The following OSBP2 variants were observed in gnomAD, a reference collection of about 807,000 sequenced individuals.
The protein encoded by OSBP2 is oxysterol-binding protein 2.
OSBP2 carries 66 observed loss-of-function variants against 96.0 expected under a neutral mutation model. The observed-to-expected ratio is 0.69, with a 90% confidence interval of 0.56 to 0.84. The LOEUF (loss-of-function observed/expected upper bound fraction) is 0.84. Among genes scored for constraint, OSBP2 ranks in the 40% least tolerant of loss-of-function variants. The probability of loss-of-function intolerance (pLI) is 0.00; values close to 1 mark genes in which losing one functional copy is unlikely to be tolerated. For missense variants in OSBP2, 1,038 were observed against 1,222.7 expected (o/e 0.85, Z 2.25); for synonymous variants, 525 against 520.9 (o/e 1.01, Z -0.11).
chr22:30,788,395 G>C (rs1410407743), intron 2 of OSBP2, among the ~76,000 whole-genome samples: 3 of 152,162 alleles, frequency 2.0e-5, no homozygotes, highest in Non-Finnish European at 4.4e-5. Flanking sequence ...CAGCAGTAGA[G>C]AGAGGCCAGC....
intron 2 of OSBP2, chr22:30,770,474 C>G (rs1387640003): frequency 6.6e-6 from 1 of 152,222 alleles, no homozygotes; most frequent in Non-Finnish European, 1.5e-5. Flanking sequence ...ATAAATTACC[C>G]AGTCTCAGGT....
At chr22:30,763,040 G>T (rs986683238) in intron 2 of OSBP2, among the ~76,000 whole-genome samples, 16 of 152,164 alleles carry the variant, frequency 1.1e-4, no homozygotes, top group African/African-American at 3.1e-4. Flanking sequence ...GTGTGACCTT[G>T]GACAAGTTGC....
intron 2 of OSBP2, among the ~76,000 whole-genome samples, chr22:30,793,513 C>T (rs1460494058): frequency 4.0e-5 from 6 of 151,846 alleles, no homozygotes; most frequent in East Asian, 3.9e-4. Context: ...AGGCTGTGCA[C>T]GGTGACTCAT....
At chr22:30,814,596 A>G (rs1177791409) in intron 2 of OSBP2, among the ~76,000 whole-genome samples, 1 of 151,638 alleles carries the variant, frequency 6.6e-6, no homozygotes, top group Non-Finnish European at 1.5e-5. Context: ...ACTCTCAGCT[A>G]TTTTTGTATT....
At chr22:30,694,188 G>A, upstream of OSBP2, 1 of 1,550,222 alleles carries the variant, frequency 6.5e-7, no homozygotes, top group South Asian at 1.2e-5. Context: ...TTTACAAAAA[G>A]TCTTCCCCTA....
intron 1 of OSBP2, among the ~76,000 whole-genome samples, chr22:30,723,047 A>T (rs1377501297): frequency 6.6e-6 from 1 of 151,990 alleles, no homozygotes; most frequent in Non-Finnish European, 1.5e-5. Flanking sequence ...CGACCTTCCA[A>T]AGTGTTGCTG....
At chr22:30,787,389 G>C (rs1451523085) in intron 2 of OSBP2, among the ~76,000 whole-genome samples, 5 of 151,946 alleles carry the variant, frequency 3.3e-5, no homozygotes, top group African/African-American at 1.2e-4. Flanking sequence ...TAGAATGGTC[G>C]GGGCCGGATG....
intron 12 of OSBP2, among the ~76,000 whole-genome samples, chr22:30,904,322 GA>G (rs1356217771): frequency 1.3e-5 from 2 of 152,008 alleles, no homozygotes. Flanking sequence ...CTGCTTCTGA[GA>G]TAAGAACCAT....
intron 3 of OSBP2, chr22:30,872,626 T>A: frequency 2.8e-6 from 1 of 352,838 alleles, no homozygotes; most frequent in South Asian, 2.1e-5. Flanking sequence ...TGCCCTGGGC[T>A]GGGTTCTGCC....
At chr22:30,806,502 A>G (rs1023537179) in intron 2 of OSBP2, among the ~76,000 whole-genome samples, 23 of 152,176 alleles carry the variant, frequency 1.5e-4, no homozygotes, top group Non-Finnish European at 2.8e-4. Context: ...GCAGCAGTAA[A>G]CAGGGCTAGA....
chr22:30,763,462 C>G (rs547902323), intron 2 of OSBP2, among the ~76,000 whole-genome samples: 1 of 152,152 alleles, frequency 6.6e-6, no homozygotes, highest in Non-Finnish European at 1.5e-5. Flanking sequence ...GCCTGGCCAA[C>G]ATGGTGAAAC....
At chr22:30,814,435 T>G (rs2091054301) in intron 2 of OSBP2, among the ~76,000 whole-genome samples, 1 of 37,014 alleles carries the variant, frequency 2.7e-5, no homozygotes. Flanking sequence ...TCTCGTTGGG[T>G]TTTTTTTTTT....
chr22:30,826,631 C>T (rs180770125), intron 2 of OSBP2, among the ~76,000 whole-genome samples: 7 of 152,292 alleles, frequency 4.6e-5, no homozygotes, highest in Non-Finnish European at 8.8e-5. Flanking sequence ...GAGATGGAGG[C>T]TGGGTTTTAC....
At chr22:30,834,245 G>A (rs1220593792) in intron 2 of OSBP2, among the ~76,000 whole-genome samples, 5 of 152,122 alleles carry the variant, frequency 3.3e-5, no homozygotes, top group Non-Finnish European at 5.9e-5. Flanking sequence ...ATCAGTTGAT[G>A]GACATTTGGG....
At chr22:30,859,130 C>A (rs949514778) in intron 2 of OSBP2, among the ~76,000 whole-genome samples, 8 of 151,940 alleles carry the variant, frequency 5.3e-5, no homozygotes, top group African/African-American at 1.9e-4. Flanking sequence ...GAGGCAGCCG[C>A]GTGTGGAAAA....
chr22:30,796,496 T>G (rs1397168040), intron 2 of OSBP2, among the ~76,000 whole-genome samples: 1 of 152,072 alleles, frequency 6.6e-6, no homozygotes, highest in Non-Finnish European at 1.5e-5. Context: ...GTTTAATTTT[T>G]TTTAATTATT....
chr22:30,795,668 C>A (rs963084817), intron 2 of OSBP2, among the ~76,000 whole-genome samples: 1 of 151,810 alleles, frequency 6.6e-6, no homozygotes, highest in East Asian at 1.9e-4. Flanking sequence ...TACAGGCATG[C>A]GCCACCACGC....
At chr22:30,748,856 C>A (rs1490740596) in intron 2 of OSBP2, among the ~76,000 whole-genome samples, 1 of 152,216 alleles carries the variant, frequency 6.6e-6, no homozygotes, top group Non-Finnish European at 1.5e-5. Context: ...TGGCTCATGC[C>A]TGTAATCCCA....
intron 2 of OSBP2, among the ~76,000 whole-genome samples, chr22:30,823,443 G>A (rs1353470024): frequency 1.3e-5 from 2 of 152,152 alleles, no homozygotes; most frequent in Admixed American, 6.5e-5. Flanking sequence ...GGAAAAATTA[G>A]GATTCTTTAA....
Sources: allele counts gnomAD v4.1 joint callset (sites outside exome capture counted in the v4.1 genomes callset), GRCh38; gene constraint gnomAD v4.1.1; transcripts MANE v1.5; gene names NCBI Gene and HGNC (gene_info 2026-07-23, HGNC 2026-07-21).